SPATS2L: variants seen among roughly 807,000 people sequenced by gnomAD.
SPATS2L encodes the protein spermatogenesis associated serine rich 2 like.
Under a neutral mutation model 59.6 loss-of-function variants are expected in SPATS2L, and 30 were observed. The ratio of observed to expected loss-of-function variants is 0.50; its 90% confidence interval spans 0.38 to 0.68. The LOEUF (loss-of-function observed/expected upper bound fraction) is 0.68, where lower values mean the gene tolerates loss of function less well. Among genes scored for constraint, SPATS2L ranks in the 30% least tolerant of loss-of-function variants. The pLI is 0.00. For synonymous variants in SPATS2L, 252 were observed against 263.5 expected, an observed-to-expected ratio of 0.96 and a Z score of 0.42; for missense variants, 615 against 700.0, an observed-to-expected ratio of 0.88 and a Z score of 1.37.
At chr2:200,357,507 A>G (rs756811208) in intron 2 of SPATS2L, among the ~76,000 whole-genome samples, 1 of 152,230 alleles carries the variant, frequency 6.6e-6, no homozygotes, top group Non-Finnish European at 1.5e-5. Flanking sequence ...TGAAAAATGT[A>G]GAGAGGGGGA....
chr2:200,395,247 T>A (rs2105938470), intron 3 of SPATS2L, among the ~76,000 whole-genome samples: 1 of 152,350 alleles, frequency 6.6e-6, no homozygotes, highest in East Asian at 1.9e-4. Flanking sequence ...GAAATTTTAG[T>A]CAGATATTTT....
At chr2:200,412,718 T>C (rs1310623385) in intron 4 of SPATS2L, among the ~76,000 whole-genome samples, 1 of 152,050 alleles carries the variant, frequency 6.6e-6, no homozygotes, top group Admixed American at 6.6e-5. Context: ...TTGATAATAG[T>C]GCTACTAATT....
intron 2 of SPATS2L, among the ~76,000 whole-genome samples, chr2:200,352,894 T>C (rs1236622236): frequency 6.6e-6 from 1 of 152,302 alleles, no homozygotes; most frequent in African/African-American, 2.4e-5. Flanking sequence ...AACACCCACA[T>C]TGACACACAT....
intron 1 of SPATS2L, among the ~76,000 whole-genome samples, chr2:200,320,862 A>G (rs1363297948): frequency 1.3e-5 from 2 of 152,242 alleles, no homozygotes; most frequent in Non-Finnish European, 2.9e-5. Flanking sequence ...TGGACTAGAT[A>G]GAAAAAATAA....
intron 9 of SPATS2L, among the ~76,000 whole-genome samples, chr2:200,461,526 CTTA>C (rs1375676313): frequency 6.6e-6 from 1 of 152,154 alleles, no homozygotes; most frequent in Non-Finnish European, 1.5e-5. Flanking sequence ...GAGGCCCTCC[CTTA>C]TTATTGAATT....
intron 1 of SPATS2L, among the ~76,000 whole-genome samples, chr2:200,307,483 G>A (rs2079062506): frequency 6.6e-6 from 1 of 152,012 alleles, no homozygotes; most frequent in African/African-American, 2.4e-5. Flanking sequence ...GGATGCGTTG[G>A]CGTCCGCGCT....
chr2:200,404,340 C>G (rs1035539724), intron 3 of SPATS2L, among the ~76,000 whole-genome samples: 5 of 152,194 alleles, frequency 3.3e-5, no homozygotes, highest in Non-Finnish European at 7.4e-5. Flanking sequence ...AGGTAAGATT[C>G]AGAGAGAACG....
chr2:200,369,733 A>T (rs1265872030), intron 2 of SPATS2L, among the ~76,000 whole-genome samples: 1 of 152,202 alleles, frequency 6.6e-6, no homozygotes. Flanking sequence ...AATAATCCAG[A>T]TATGGAAGAC....
At chr2:200,314,990 C>T (rs1040717344) in intron 1 of SPATS2L, among the ~76,000 whole-genome samples, 1 of 152,058 alleles carries the variant, frequency 6.6e-6, no homozygotes, top group Middle Eastern at 3.2e-3. Context: ...ACTTAGTGGA[C>T]GTTACCATGC....
chr2:200,401,836 G>A (rs543939814), intron 3 of SPATS2L, among the ~76,000 whole-genome samples: 27 of 152,278 alleles, frequency 1.8e-4, no homozygotes, highest in African/African-American at 5.8e-4. Flanking sequence ...TGCTGATGGT[G>A]CCAAAATCTC....
At chr2:200,369,581 ATAGTAAGTATAATAATACT>A (rs2105888411) in intron 2 of SPATS2L, among the ~76,000 whole-genome samples, 2 of 152,298 alleles carry the variant, frequency 1.3e-5, no homozygotes, top group Admixed American at 1.3e-4. Context: ...GGTGAGCTGG[ATAGTAAGTATAATAATACT>A]TAATAAGTAT....
chr2:200,369,735 A>G (rs969351431), intron 2 of SPATS2L, among the ~76,000 whole-genome samples: 2 of 152,230 alleles, frequency 1.3e-5, no homozygotes, highest in Non-Finnish European at 2.9e-5. Context: ...TAATCCAGAT[A>G]TGGAAGACTG....
chr2:200,371,442 C>T (rs2081422959), intron 2 of SPATS2L, among the ~76,000 whole-genome samples: 1 of 152,158 alleles, frequency 6.6e-6, no homozygotes. Flanking sequence ...AGGGTTTAGT[C>T]ACAAGTAGAC....
At chr2:200,365,297 A>G (rs191429777) in intron 2 of SPATS2L, among the ~76,000 whole-genome samples, 2 of 152,354 alleles carry the variant, frequency 1.3e-5, no homozygotes, top group Admixed American at 1.3e-4. Context: ...CAACATCACT[A>G]TGAAATAGAT....
chr2:200,316,116 T>C (rs1467946049), intron 1 of SPATS2L, among the ~76,000 whole-genome samples: 1 of 150,954 alleles, frequency 6.6e-6, no homozygotes, highest in Non-Finnish European at 1.5e-5. Context: ...TCTTACCAGG[T>C]TGGATCAGGA....
intron 9 of SPATS2L, among the ~76,000 whole-genome samples, chr2:200,466,108 G>A (rs560881898): frequency 2.0e-5 from 3 of 152,330 alleles, no homozygotes; most frequent in Admixed American, 6.5e-5. Context: ...ACTCTTGATG[G>A]ATTCTGTACT....
chr2:200,368,910 A>G (rs538389108), intron 2 of SPATS2L, among the ~76,000 whole-genome samples: 22 of 152,164 alleles, frequency 1.4e-4, no homozygotes, highest in Non-Finnish European at 2.9e-4. Context: ...ATATATGTGT[A>G]TATGTATAAA....
intron 2 of SPATS2L, among the ~76,000 whole-genome samples, chr2:200,348,905 G>C (rs903232633): frequency 1.3e-5 from 2 of 150,732 alleles, no homozygotes; most frequent in African/African-American, 2.4e-5. Context: ...AAAAAAATTT[G>C]CATGTGAAGA....
At chr2:200,390,431 G>C (rs1056724318) in intron 3 of SPATS2L, 9 of 152,430 alleles carry the variant, frequency 5.9e-5, no homozygotes, top group African/African-American at 2.2e-4. Context: ...CAGCAGGGCG[G>C]TGTGATGAAG....
Sources: allele counts gnomAD v4.1 joint callset (sites outside exome capture counted in the v4.1 genomes callset), GRCh38; gene constraint gnomAD v4.1.1; transcripts MANE v1.5; gene names NCBI Gene and HGNC (gene_info 2026-07-23, HGNC 2026-07-21).